Variants in EPSTI1 observed in about 807,000 individuals in gnomAD.
EPSTI1 encodes epithelial stromal interaction 1, also known as epithelial-stromal interaction protein 1.
Under a neutral mutation model 49.9 loss-of-function variants are expected in EPSTI1, and 66 were observed. That is an observed-to-expected ratio of 1.32 (90% CI 1.08 to 1.62). The LOEUF (loss-of-function observed/expected upper bound fraction) is 1.62, where lower values mean the gene tolerates loss of function less well. Among genes scored for constraint, EPSTI1 ranks in the 40% most tolerant of loss-of-function variants. The pLI is 0.00. For missense variants in EPSTI1, 394 were observed against 365.5 expected, an observed-to-expected ratio of 1.08 and a Z score of -0.64; for synonymous variants, 137 against 130.7, an observed-to-expected ratio of 1.05 and a Z score of -0.33.
Position 42,888,280 on chromosome 13 carries a change from G to A in EPSTI1, c.*214C>T. On this transcript the variant is annotated 3_prime_UTR_variant, in exon 11 of 11. Coordinates refer to ENST00000313624, the MANE Select transcript of EPSTI1 (RefSeq NM_033255.5). ...AAAATAATGTAGCATTTCCCTGGCA[G>A]TAGAGATTAAATATGAGTTCAGGAA... The A allele has an allele frequency of 1.2e-6, 2 of 1,612,954 alleles. No individual in the cohort carries two copies. The highest frequency in any genetic ancestry group is 1.7e-6 in the Non-Finnish European group (2 of 1,179,968).
At chr13:42,942,214 C>A (rs1566139791) in intron 6 of EPSTI1, among the ~76,000 whole-genome samples, 1 of 152,034 alleles carries the variant, frequency 6.6e-6, no homozygotes, top group East Asian at 1.9e-4. Context: ...TATAGATATT[C>A]TTTGTAATCA....
At chr13:42,918,695 AGC>A (rs2037906953) in intron 7 of EPSTI1, among the ~76,000 whole-genome samples, 3 of 152,248 alleles carry the variant, frequency 2.0e-5, no homozygotes, top group Non-Finnish European at 2.9e-5. Context: ...AGAAAACTGG[AGC>A]TTCCTGTGTT....
chr13:42,904,720 C>T (rs778030760), intron 8 of EPSTI1, among the ~76,000 whole-genome samples: 3 of 152,112 alleles, frequency 2.0e-5, no homozygotes, highest in Non-Finnish European at 2.9e-5. Flanking sequence ...TAAGGTAGAG[C>T]AGGGGCCTAT....
At chr13:42,969,378 C>A in intron 2 of EPSTI1, 1 of 581,392 alleles carries the variant, frequency 1.7e-6, no homozygotes, top group South Asian at 2.2e-5. Flanking sequence ...CACATTCTCA[C>A]CAAGAGTCAG....
chr13:42,888,090 A>G lies in EPSTI1; in HGVS notation c.*404T>C. On this transcript the variant is annotated 3_prime_UTR_variant, in exon 11 of 11. Coordinates refer to ENST00000313624, the MANE Select transcript of EPSTI1 (RefSeq NM_033255.5). ...TAAAGAAAGTAGGGATTAAAATCTA[A>G]AAAGACCCCCAAAGCTTTCAAAACC... The G allele has an allele frequency of 1.4e-6, 1 of 726,382 alleles. No homozygotes were observed. The highest frequency in any genetic ancestry group is 2.1e-6 in the Non-Finnish European group (1 of 474,038). 45.0% of individuals were successfully genotyped at this position (726,382 alleles called of 1,614,324 possible). A position where few individuals can be genotyped will look rare whatever the true frequency, so the allele number is the denominator to read the frequency against.
At chr13:42,980,283 A>G (rs542769831) in intron 1 of EPSTI1, among the ~76,000 whole-genome samples, 2 of 152,370 alleles carry the variant, frequency 1.3e-5, no homozygotes, top group African/African-American at 4.8e-5. Flanking sequence ...AAAGATTAGA[A>G]AAAGAGTATC....
chr13:42,923,280 G>A (rs2038071755), intron 7 of EPSTI1, among the ~76,000 whole-genome samples: 1 of 152,198 alleles, frequency 6.6e-6, no homozygotes, highest in Non-Finnish European at 1.5e-5. Flanking sequence ...GGGGCATAAG[G>A]CCGGGTGCGG....
intron 10 of EPSTI1, among the ~76,000 whole-genome samples, 180 bp downstream of exon 10, chr13:42,894,829 C>G (rs952376136): frequency 6.6e-6 from 1 of 152,164 alleles, no homozygotes; most frequent in African/African-American, 2.4e-5. Context: ...CTTTCTCCCT[C>G]TAGCAGAAGC....
intron 10 of EPSTI1, among the ~76,000 whole-genome samples, chr13:42,893,592 CTCA>C (rs2037101476): frequency 6.6e-6 from 1 of 152,172 alleles, no homozygotes; most frequent in South Asian, 2.1e-4. Context: ...AGATTTATGG[CTCA>C]CTAAGGCCTG....
chr13:42,965,838 T>A (rs1188710809), intron 3 of EPSTI1, among the ~76,000 whole-genome samples: 2 of 52,312 alleles, frequency 3.8e-5, no homozygotes, highest in Non-Finnish European at 8.8e-5. Context: ...CTCCCTCTCA[T>A]GCGGAGCCGA....
At chr13:42,888,777 T>C (rs1308604651) in intron 10 of EPSTI1, among the ~76,000 whole-genome samples, 1 of 152,128 alleles carries the variant, frequency 6.6e-6, no homozygotes, top group Non-Finnish European at 1.5e-5. Flanking sequence ...AGGTGACAAA[T>C]ATACAGTTCG....
At chr13:42,923,639 G>A (rs1416911780) in intron 7 of EPSTI1, among the ~76,000 whole-genome samples, 2 of 152,220 alleles carry the variant, frequency 1.3e-5, no homozygotes, top group African/African-American at 4.8e-5. Context: ...GAAATATGCA[G>A]CGATGGTCGC....
intron 5 of EPSTI1, among the ~76,000 whole-genome samples, chr13:42,962,619 C>CAAAAA (rs67950561): frequency 1.5e-5 from 2 of 132,902 alleles, no homozygotes; most frequent in Non-Finnish European, 3.2e-5. Flanking sequence ...ACAAAAAATA[C>CAAAAA]AAAAAAAAAA....
At chr13:42,955,880 G>GTT (rs1555266332) in intron 5 of EPSTI1, among the ~76,000 whole-genome samples, 2 of 135,906 alleles carry the variant, frequency 1.5e-5, no homozygotes, top group African/African-American at 2.7e-5. Flanking sequence ...AAGTATTTGG[G>GTT]GGGGGGGGGA....
At chr13:42,933,851 C>CG (rs141210951) in intron 6 of EPSTI1, 1 of 152,752 alleles carries the variant, frequency 6.5e-6, no homozygotes, top group African/African-American at 2.4e-5. Flanking sequence ...GAGGAATACC[C>CG]CCCTGCATGG....
intron 4 of EPSTI1, among the ~76,000 whole-genome samples, chr13:42,963,832 A>T (rs2039531057): frequency 6.6e-6 from 1 of 152,204 alleles, no homozygotes; most frequent in South Asian, 2.1e-4. Context: ...AAATGAAAAA[A>T]ATAATTCCCT....
chr13:42,983,228 C>T (rs1356180842), intron 1 of EPSTI1, among the ~76,000 whole-genome samples: 1 of 152,194 alleles, frequency 6.6e-6, no homozygotes, highest in Non-Finnish European at 1.5e-5. Flanking sequence ...GATATTACCA[C>T]TCTCTTTAGC....
rs549150890 is a variant in EPSTI1 at position 42,911,264 on chromosome 13, T to TGTGTGTGTGTGCGC, written c.741+6276_741+6277insGCGCACACACACAC. The stretch of plus-strand genomic sequence containing the variant: ...GAGAGAGTGTGTGTGTGTGTGTGTG[T>TGTGTGTGTGTGCGC]GCGCGCGCACGCGCGCACACGTGTG... On this transcript the variant is annotated intron_variant, in intron 8 of 10. Coordinates refer to ENST00000313624, the MANE Select transcript of EPSTI1 (RefSeq NM_033255.5). Among the ~76,000 whole-genome samples, 36 of 148,550 alleles carry TGTGTGTGTGTGCGC rather than the reference T, an allele frequency of 2.4e-4. No individual in the cohort carries two copies. In the South Asian group the frequency reaches 4.0e-3, roughly 17 times the overall value.
At chr13:42,924,249 C>T (rs914891649) in intron 7 of EPSTI1, among the ~76,000 whole-genome samples, 3 of 152,120 alleles carry the variant, frequency 2.0e-5, no homozygotes, top group African/African-American at 7.2e-5. Flanking sequence ...GGGTCAAAAT[C>T]GGAGCAGCTA....
Sources: gnomAD v4.1 joint callset for allele counts (sites outside exome capture counted in the v4.1 genomes callset) on GRCh38, gnomAD v4.1.1 for gene constraint, MANE v1.5 for transcripts, NCBI Gene and HGNC (gene_info 2026-07-23, HGNC 2026-07-21) for gene names.